Variants in DHX38 observed in about 807,000 individuals in gnomAD.
DHX38 encodes the protein pre-mRNA-splicing factor ATP-dependent RNA helicase PRP16.
DHX38 carries 100 observed loss-of-function variants against 153.1 expected under a neutral mutation model. That is an observed-to-expected ratio of 0.65 (90% CI 0.56 to 0.77). DHX38 has a LOEUF of 0.77. DHX38 is among the 30% of genes least tolerant of loss of function. DHX38 has a pLI of 0.00. For missense variants in DHX38, 1,440 were observed against 1,654.0 expected, an observed-to-expected ratio of 0.87 and a Z score of 2.24; for synonymous variants, 650 against 631.7, an observed-to-expected ratio of 1.03 and a Z score of -0.43.
In DHX38 at chr16:72,107,622, C is replaced by G. The variant is rs370826558; in HGVS notation, c.2810-23C>G. 1.2e-6 allele frequency: 2 copies of G among 1,611,202 alleles called. No homozygotes were observed. The highest frequency in any genetic ancestry group is 2.7e-5 in the African/African-American group (2 of 74,846). ...TTTCCTCTACTGTCCCGTCAAATAT[C>G]CGGGTTTGCTCATCTCTCCTAGGTG... On this transcript the variant is annotated intron_variant, in intron 20 of 26. Transcript: ENST00000268482. The surrounding 1 kb of genome is among the most constrained non-coding windows in gnomAD (Gnocchi z 5.3).
In DHX38 at chr16:72,106,070, C is replaced by T; in HGVS notation, c.2553C>T (p.Asn851=). The change falls in exon 19 of 27, where the codon AAC becomes AAT. Residue 851 remains asparagine, a synonymous_variant. Transcript: ENST00000268482. The part of the protein sequence containing the change: ...QIYPISQANA[N]QRSGRAGRTG... The stretch of plus-strand genomic sequence containing the variant: ...ATCCCATTAGCCAGGCCAATGCCAA[C>T]CAGCGGTCAGGGCGAGCCGGCAGGA... The T allele has an allele frequency of 6.2e-7, 1 of 1,614,228 alleles. No homozygotes were observed. The highest frequency in any genetic ancestry group is 8.5e-7 in the Non-Finnish European group (1 of 1,180,044).
chr16:72,104,935 C>G lies in DHX38; in HGVS notation c.2152-92C>G. 2 of 1,285,514 alleles carry G rather than the reference C, an allele frequency of 1.6e-6. No individual in the cohort carries two copies. The highest frequency in any genetic ancestry group is 2.2e-6 in the Non-Finnish European group (2 of 925,768). 79.6% of individuals were successfully genotyped at this position (1,285,514 alleles called of 1,614,324 possible). A position where few individuals can be genotyped will look rare whatever the true frequency, so the allele number is the denominator to read the frequency against. ...GGCCCTCAAAGTCCATGGCTCCATT[C>G]CAGAGCAGTGCCTGGGCCACTGGGC... On this transcript the variant is annotated intron_variant, in intron 15 of 26. Transcript: ENST00000268482. This position sits in a 1 kb window ranked among gnomAD's most constrained non-coding sequence, Gnocchi z 4.5.
At chr16:72,111,108 G>A (rs1411565196) in intron 26 of DHX38, 31 bp downstream of exon 26, 1 of 1,533,374 alleles carries the variant, frequency 6.5e-7, no homozygotes, top group East Asian at 2.4e-5. Context: ...TCTGGCTGGG[G>A]TGGCACCCAT....
intron 9 of DHX38, 38 bp downstream of exon 9, chr16:72,100,635 A>G (rs1277043527): frequency 6.2e-7 from 1 of 1,606,670 alleles, no homozygotes; most frequent in African/African-American, 1.3e-5. Flanking sequence ...GACAGCTCAG[A>G]GAGACCTGAT....
chr16:72,098,325 C>T lies in DHX38; in HGVS notation c.617-320C>T, dbSNP rs1302928587. On this transcript the variant is annotated intron_variant, in intron 4 of 26. Transcript: ENST00000268482. ...GTGGGTACCTATAATCCCAGCTATT[C>T]GGTAGGCTGAGGCAGGAGAATCACT... Among the ~76,000 whole-genome samples the T allele has an allele frequency of 2.0e-5, 3 of 152,044 alleles. No individual in the cohort carries two copies. In the South Asian group the frequency reaches 6.2e-4, roughly 32 times the overall value.
chr16:72,111,044 A>G lies in DHX38; in HGVS notation c.3566A>G (p.Glu1189Gly), dbSNP rs1481906925. Residue 1189 changes from glutamate to glycine, a missense_variant, in exon 26 of 27, where the codon GAG becomes GGG. Physicochemically the swap from Glu to Gly is moderately conservative, Grantham distance 98 (BLOSUM62 -2). Around this residue, in one of 6 missense-constraint regions of DHX38, gnomAD observed 75 missense variants for 69.5 expected, o/e 1.08. Coordinates refer to ENST00000268482, the MANE Select transcript of DHX38 (RefSeq NM_014003.4). ...GAGCAGCTGCGAGCCCGGCGGCAGG[A>G]GCAGGAGAAGCGCAGCCCCCTGGGC... ...AEEQLRARRQ[E>G]QEKRSPLGSV... The G allele has an allele frequency of 6.4e-7, 1 of 1,574,128 alleles. No individual in the cohort carries two copies. Among genetic ancestry groups the G allele is most frequent in the Non-Finnish European group, 8.6e-7 (1 of 1,159,950 alleles).
chr16:72,109,591 G>A (rs1268102242), intron 25 of DHX38, 81 bp downstream of exon 25: 4 of 1,336,304 alleles, frequency 3.0e-6, no homozygotes, highest in African/African-American at 1.5e-5. Context: ...AAGACTTGCG[G>A]TCATCCAACC....
Position 72,098,783 on chromosome 16 carries a change from A to C in DHX38, c.755A>C (p.Asp252Ala), listed in dbSNP as rs770959997. 1.2e-6 allele frequency: 2 copies of C among 1,614,092 alleles called. No homozygotes were observed. Among genetic ancestry groups the C allele is most frequent in the Non-Finnish European group, 1.7e-6 (2 of 1,179,982 alleles). The change falls in exon 5 of 27, where the codon GAT becomes GCT. Residue 252 changes from aspartate (D) to alanine (A), a missense_variant. By Grantham distance (126) the Asp-to-Ala change is moderately radical (BLOSUM62 -2). Coordinates refer to ENST00000268482, the MANE Select transcript of DHX38 (RefSeq NM_014003.4). ...SERSHRLSTR[D>A]RDRSVRGKYS... is the part of the protein sequence containing the mutation. ...CGGAGCCATCGGCTGTCCACTCGAG[A>C]TCGAGACAGGTGATGTTCTGGGCAG... is the stretch of plus-strand genomic sequence containing the variant.
At position 72,094,332 on chromosome 16, in the gene DHX38, A is replaced by G. The variant is rs572672503; in HGVS notation, c.-20+281A>G. Reference sequence around the variant, plus strand: ...GGTCCCTCTCCCAGGCCTCCGCTTTAACCCACCCCAGACTGTCACCGAGCC... The same window carrying G: ...GGTCCCTCTCCCAGGCCTCCGCTTTGACCCACCCCAGACTGTCACCGAGCC... On this transcript the variant is annotated intron_variant, in intron 1 of 26. Coordinates refer to ENST00000268482, the MANE Select transcript of DHX38 (RefSeq NM_014003.4). The G allele has an allele frequency of 3.9e-5, 6 of 152,344 alleles. No homozygotes were observed. In the South Asian group the frequency reaches 1.2e-3, roughly 32 times the overall value. 9.4% of individuals were successfully genotyped at this position (152,344 alleles called of 1,614,324 possible). A position where few individuals can be genotyped will look rare whatever the true frequency, so the allele number is the denominator to read the frequency against.
chr16:72,108,365 G>T lies in DHX38; in HGVS notation c.3103G>T (p.Ala1035Ser), dbSNP rs1481394708. Residue 1035 changes from alanine to serine, a missense_variant, in exon 22 of 27, where the codon GCT (alanine) becomes TCT (serine). Physicochemically the swap from Ala to Ser is moderately conservative, Grantham distance 99. Around this residue, in one of 6 missense-constraint regions of DHX38, gnomAD observed 543 missense variants for 717.9 expected, o/e 0.76. Coordinates refer to ENST00000268482, the MANE Select transcript of DHX38 (RefSeq NM_014003.4). ...CTGGTGTAACGATCATTTCATCCAT[G>T]CTAAGGCCATGCGGAAGGTAGAGTG... is the stretch of plus-strand genomic sequence containing the variant. ...TIWCNDHFIH[A>S]KAMRKVREVR... The T allele has an allele frequency of 6.2e-7, 1 of 1,614,216 alleles. No homozygotes were observed. The highest frequency in any genetic ancestry group is 8.5e-7 in the Non-Finnish European group (1 of 1,180,038).
intron 10 of DHX38, 99 bp downstream of exon 10, chr16:72,101,292 TC>T: frequency 7.3e-7 from 1 of 1,365,598 alleles, no homozygotes; most frequent in Non-Finnish European, 1.0e-6. Flanking sequence ...AAGTTAGGAG[TC>T]CCCTCTATCA....
intron 11 of DHX38, among the ~76,000 whole-genome samples, chr16:72,102,297 C>T (rs1437501791): frequency 6.6e-6 from 1 of 152,132 alleles, no homozygotes; most frequent in Non-Finnish European, 1.5e-5. Flanking sequence ...TAACTTAATT[C>T]CTCAGGTATT....
chr16:72,106,238 C>A, intron 19 of DHX38, 121 bp downstream of exon 19: 1 of 841,762 alleles, frequency 1.2e-6, no homozygotes, highest in Non-Finnish European at 1.9e-6. Flanking sequence ...AAGCTGCTGG[C>A]AGGGCTGCCA....
chr16:72,107,646 T>G lies in DHX38; in HGVS notation c.2811T>G (p.Gly937=). The G allele has an allele frequency of 6.2e-7, 1 of 1,614,082 alleles. No individual in the cohort carries two copies. The highest frequency in any genetic ancestry group is 8.5e-7 in the Non-Finnish European group (1 of 1,179,978). Reference sequence around the variant, plus strand: ...TCCGGGTTTGCTCATCTCTCCTAGGTGGTCTGACCTCTACCGGGCGGCTGA... The same window carrying G: ...TCCGGGTTTGCTCATCTCTCCTAGGGGGTCTGACCTCTACCGGGCGGCTGA... ...LWILGALDNT[G]GLTSTGRLMV... The change falls in exon 21 of 27, where the codon GGT becomes GGG. Residue 937 remains glycine, a splice_region_variant and synonymous_variant. Transcript: ENST00000268482. This position sits in a 1 kb window ranked among gnomAD's most constrained non-coding sequence, Gnocchi z 5.3.
At chr16:72,106,545 C>T (rs1036258328) in intron 19 of DHX38, among the ~76,000 whole-genome samples, 2 of 151,808 alleles carry the variant, frequency 1.3e-5, no homozygotes, top group Admixed American at 6.6e-5. Flanking sequence ...ATCTCCTGCA[C>T]TCAAGTGAAC....
intron 1 of DHX38, among the ~76,000 whole-genome samples, chr16:72,095,589 T>A (rs1340707839): frequency 6.6e-6 from 1 of 152,252 alleles, no homozygotes; most frequent in Non-Finnish European, 1.5e-5. Flanking sequence ...AGAGCTACTC[T>A]TTATGGTTTC....
In DHX38 at chr16:72,108,857, A is replaced by G. The variant is rs779606017; in HGVS notation, c.3313A>G (p.Ser1105Gly). Residue 1105 changes from serine to glycine, a missense_variant, in exon 24 of 27, where the codon AGC becomes GGC. This residue lies in a region of DHX38 where 543 missense variants were observed against 717.9 expected (regional missense o/e 0.76). Coordinates refer to ENST00000268482, the MANE Select transcript of DHX38 (RefSeq NM_014003.4). The part of the protein sequence containing the change: ...TGMPCHLHPT[S>G]SLFGMGYTPD... ...GATGCCCTGCCACTTGCACCCCACC[A>G]GCTCCCTTTTTGGAATGGGCTACAC... 3.7e-6 allele frequency: 6 copies of G among 1,614,036 alleles called. No individual in the cohort carries two copies. The South Asian group carries it at 5.5e-5, about 15-fold the overall frequency.
intron 11 of DHX38, among the ~76,000 whole-genome samples, chr16:72,102,133 G>A (rs1295371546): frequency 6.6e-6 from 1 of 152,230 alleles, no homozygotes; most frequent in African/African-American, 2.4e-5. Context: ...GCATTGGGCA[G>A]GTGGCTGGAC....
intron 11 of DHX38, among the ~76,000 whole-genome samples, chr16:72,102,434 G>A (rs2144149962): frequency 6.6e-6 from 1 of 152,148 alleles, no homozygotes; most frequent in South Asian, 2.1e-4. Context: ...ACTGTGTGGA[G>A]CACTGAACTG....
Sources: gnomAD v4.1 joint callset for allele counts (sites outside exome capture counted in the v4.1 genomes callset) on GRCh38, gnomAD v4.1.1 for gene constraint, gnomAD v4.1.1 regional missense constraint, Gnocchi (gnomAD v3.1) non-coding constraint, MANE v1.5 for transcripts, NCBI Gene and HGNC (gene_info 2026-07-23, HGNC 2026-07-21) for gene names.